Variants in MAP2K6 observed in about 807,000 individuals in gnomAD.
The protein encoded by MAP2K6 is mitogen-activated protein kinase kinase 6.
Under a neutral mutation model 53.7 loss-of-function variants are expected in MAP2K6, and 16 were observed. That is an observed-to-expected ratio of 0.30 (90% confidence interval 0.20 to 0.45). The LOEUF (loss-of-function observed/expected upper bound fraction) is 0.45, where lower values mean the gene tolerates loss of function less well. Among genes scored for constraint, MAP2K6 ranks in the 20% least tolerant of loss-of-function variants. The probability of loss-of-function intolerance (pLI) is 1.00; values close to 1 mark genes in which losing one functional copy is unlikely to be tolerated. For missense variants in MAP2K6, 204 were observed against 411.9 expected (o/e 0.50, Z 4.37); for synonymous variants, 132 against 143.1 (o/e 0.92, Z 0.55).
At chr17:69,501,467 G>T (rs1909172296) in intron 1 of MAP2K6, among the ~76,000 whole-genome samples, 1 of 152,054 alleles carries the variant, frequency 6.6e-6, no homozygotes, top group Admixed American at 6.6e-5. Context: ...ACATTTCTGT[G>T]GCCTGGTAAA....
intron 1 of MAP2K6, among the ~76,000 whole-genome samples, chr17:69,481,771 A>G (rs1256109317): frequency 6.6e-6 from 1 of 152,144 alleles, no homozygotes; most frequent in Non-Finnish European, 1.5e-5. Flanking sequence ...CCTAAATACC[A>G]TATCTTAACT....
intron 1 of MAP2K6, among the ~76,000 whole-genome samples, chr17:69,496,304 C>T (rs1908948584): frequency 6.9e-6 from 1 of 144,178 alleles, no homozygotes. Flanking sequence ...GGGAGTCTTG[C>T]TCTGTCTCCC....
At chr17:69,536,276 C>A in intron 11 of MAP2K6, 116 bp downstream of exon 11, 1 of 750,790 alleles carries the variant, frequency 1.3e-6, no homozygotes, top group Non-Finnish European at 2.3e-6. Flanking sequence ...ATTGATACAT[C>A]AGTGACAGGA....
At chr17:69,472,303 T>C (rs1395725281) in intron 1 of MAP2K6, among the ~76,000 whole-genome samples, 1 of 152,180 alleles carries the variant, frequency 6.6e-6, no homozygotes, top group African/African-American at 2.4e-5. Flanking sequence ...CAATAATAAA[T>C]TACAAATAAA....
chr17:69,463,413 C>A, intron 1 of MAP2K6, among the ~76,000 whole-genome samples: 2 of 147,758 alleles, frequency 1.4e-5, no homozygotes, highest in African/African-American at 2.5e-5. Context: ...ATATATATCA[C>A]TATATAATAG....
intron 8 of MAP2K6, 124 bp from the exon 9 acceptor site, chr17:69,524,777 G>C: frequency 1.7e-6 from 1 of 591,592 alleles, no homozygotes; most frequent in Non-Finnish European, 3.1e-6. Context: ...GGCCTTGGTG[G>C]CATGTTAACA....
chr17:69,478,138 C>T (rs1272839557), intron 1 of MAP2K6, among the ~76,000 whole-genome samples: 1 of 152,174 alleles, frequency 6.6e-6, no homozygotes, highest in East Asian at 1.9e-4. Flanking sequence ...GAAGACAGCA[C>T]AGCTGGGGTA....
chr17:69,415,579 A>G (rs568463240), intron 1 of MAP2K6, among the ~76,000 whole-genome samples: 16 of 152,252 alleles, frequency 1.1e-4, no homozygotes, highest in Non-Finnish European at 2.2e-4. Context: ...GCATATCACA[A>G]AAAAGCAGAC....
intron 1 of MAP2K6, among the ~76,000 whole-genome samples, chr17:69,491,717 C>A (rs555433874): frequency 7.6e-5 from 9 of 118,306 alleles, no homozygotes; most frequent in African/African-American, 3.4e-4. Flanking sequence ...TCTCTGCAAC[C>A]TCGCTGGCAT....
rs1163243730 is a variant in MAP2K6, at chr17:69,542,098, T to C, written c.*345T>C. On this transcript the variant is annotated 3_prime_UTR_variant, in exon 12 of 12. Coordinates refer to ENST00000590474, the MANE Select transcript of MAP2K6 (RefSeq NM_002758.4). ...TGACAAAAAGGTGCTACGGTAGTGA[T>C]GAAATTATAAGTAGATTTGTAGTTT... 6.4e-6 allele frequency: 1 copy of C among 155,196 alleles called. No homozygotes were observed. The highest frequency in any genetic ancestry group is 1.4e-5 in the Non-Finnish European group (1 of 69,696). 9.6% of individuals were successfully genotyped at this position (155,196 alleles called of 1,614,324 possible).
intron 1 of MAP2K6, among the ~76,000 whole-genome samples, chr17:69,487,776 G>C (rs544487094): frequency 1.3e-5 from 2 of 152,294 alleles, no homozygotes; most frequent in South Asian, 2.1e-4. Context: ...ATAGATATGA[G>C]TGGGTACTTC....
At chr17:69,525,276 T>C (rs897778993) in intron 9 of MAP2K6, among the ~76,000 whole-genome samples, 1 of 152,150 alleles carries the variant, frequency 6.6e-6, no homozygotes, top group African/African-American at 2.4e-5. Flanking sequence ...AACGAGAGGA[T>C]CTGACCAGAT....
In MAP2K6 at chr17:69,494,238, C is replaced by G. The variant is rs976256874; in HGVS notation, c.17-11542C>G. On this transcript the variant is annotated intron_variant, in intron 1 of 11. Transcript: ENST00000590474. The surrounding 1 kb of genome is among the most constrained non-coding windows in gnomAD (Gnocchi z 4.2). ...GGAGGTCAGGTGCAGTGGCTCACGC[C>G]TGTAATCCCAGCATGTTGGGAGGCC... Among the ~76,000 whole-genome samples the G allele has an allele frequency of 1.3e-5, 2 of 152,204 alleles. No individual in the cohort carries two copies. Among genetic ancestry groups the G allele is most frequent in the Non-Finnish European group, 2.9e-5 (2 of 68,032 alleles).
At position 69,541,730 on chromosome 17, in the gene MAP2K6, G is replaced by C. The variant is rs775295505; in HGVS notation, c.982G>C (p.Val328Leu). ...CAAAGGAACAGATGTGGCATCTTTT[G>C]TAAAACTGATTCTTGGAGACTAAAA... ...ESKGTDVASF[V>L]KLILGD The change falls in exon 12 of 12, where the codon GTA becomes CTA. Residue 328 changes from valine (V) to leucine (L), a missense_variant. Coordinates refer to ENST00000590474, the MANE Select transcript of MAP2K6 (RefSeq NM_002758.4). 6.2e-7 allele frequency: 1 copy of C among 1,612,542 alleles called. No individual in the cohort carries two copies. The highest frequency in any genetic ancestry group is 8.5e-7 in the Non-Finnish European group (1 of 1,178,976).
chr17:69,415,693 G>A (rs1012947415), intron 1 of MAP2K6, among the ~76,000 whole-genome samples: 5 of 152,084 alleles, frequency 3.3e-5, no homozygotes, highest in Non-Finnish European at 7.4e-5. Flanking sequence ...TGCCCATTTG[G>A]GGGATGCTTT....
At chr17:69,524,708 C>G (rs546220271) in intron 8 of MAP2K6, among the ~76,000 whole-genome samples, 193 bp from the exon 9 acceptor site, 7 of 152,236 alleles carry the variant, frequency 4.6e-5, no homozygotes, top group African/African-American at 1.7e-4. Context: ...AAGACAAACA[C>G]AGAAGAAGGG....
intron 1 of MAP2K6, among the ~76,000 whole-genome samples, chr17:69,500,078 G>A (rs1909092220): frequency 6.6e-6 from 1 of 152,160 alleles, no homozygotes; most frequent in African/African-American, 2.4e-5. Context: ...AACAGTATGA[G>A]CAAAGGTAAG....
chr17:69,443,444 G>T (rs974744810), intron 1 of MAP2K6, among the ~76,000 whole-genome samples: 1 of 152,144 alleles, frequency 6.6e-6, no homozygotes, highest in Non-Finnish European at 1.5e-5. Context: ...CCCTCTCTAC[G>T]TCATATAAAA....
At chr17:69,426,117 T>G (rs1288157110) in intron 1 of MAP2K6, among the ~76,000 whole-genome samples, 2 of 152,240 alleles carry the variant, frequency 1.3e-5, no homozygotes, top group African/African-American at 4.8e-5. Flanking sequence ...GCCTCAACTC[T>G]TGGGCTCAAA....
Sources: gnomAD v4.1 joint callset for allele counts (sites outside exome capture counted in the v4.1 genomes callset) on GRCh38, gnomAD v4.1.1 for gene constraint, Gnocchi (gnomAD v3.1) non-coding constraint, MANE v1.5 for transcripts, NCBI Gene and HGNC (gene_info 2026-07-23, HGNC 2026-07-21) for gene names.